The following FBXO21 variants were observed in gnomAD, a reference collection of about 807,000 sequenced individuals.
The protein encoded by FBXO21 is F-box protein 21.
Under a neutral mutation model 76.6 loss-of-function variants are expected in FBXO21, and 32 were observed. The observed-to-expected ratio is 0.42, with a 90% CI of 0.32 to 0.56. The LOEUF (loss-of-function observed/expected upper bound fraction) is 0.56. Among genes scored for constraint, FBXO21 ranks in the 20% least tolerant of loss-of-function variants. The pLI is 0.16. For synonymous variants in FBXO21, 328 were observed against 311.5 expected, an observed-to-expected ratio of 1.05 and a Z score of -0.56; for missense variants, 586 against 797.3, an observed-to-expected ratio of 0.73 and a Z score of 3.19.
chr12:117,166,159 C>T (rs985551752), intron 8 of FBXO21, among the ~76,000 whole-genome samples: 2 of 147,118 alleles, frequency 1.4e-5, no homozygotes, highest in African/African-American at 5.1e-5. Context: ...CATTGCACTC[C>T]AGTCTGGGCA....
At chr12:117,182,881 CAGG>C (rs960577044) in intron 3 of FBXO21, among the ~76,000 whole-genome samples, 19 of 152,100 alleles carry the variant, frequency 1.2e-4, no homozygotes, top group African/African-American at 4.6e-4. Flanking sequence ...CTCTTGAGGC[CAGG>C]AGTTTAGTAA....
chr12:117,175,298 C>CCAA (rs1956162053), intron 4 of FBXO21, among the ~76,000 whole-genome samples: 1 of 152,226 alleles, frequency 6.6e-6, no homozygotes, highest in Non-Finnish European at 1.5e-5. Context: ...TAAATGGATT[C>CCAA]TGGAGCTAAC....
rs1955762576 is a variant in FBXO21, at chr12:117,145,780, G to A, written c.*307C>T. Reference sequence around the variant, plus strand: ...GTGAATACAAAGAATGATTACAGGAGCGTCGACTGTGAGACCTCATGAAGA... The same window carrying A: ...GTGAATACAAAGAATGATTACAGGAACGTCGACTGTGAGACCTCATGAAGA... On this transcript the variant is annotated 3_prime_UTR_variant, in exon 12 of 12. Transcript: ENST00000622495. The A allele has an allele frequency of 4.6e-6, 1 of 218,142 alleles. No homozygotes were observed. The allele number at this position is 218,142 out of a possible 1,614,324, so 13.5% of individuals were successfully genotyped here.
intron 3 of FBXO21, among the ~76,000 whole-genome samples, chr12:117,182,592 C>G (rs1388825763): frequency 1.4e-5 from 1 of 72,410 alleles, no homozygotes; most frequent in Non-Finnish European, 2.8e-5. Context: ...TTTTTTGGAC[C>G]GAGTCTGTCG....
chr12:117,181,161 G>C (rs1422177788), intron 3 of FBXO21, among the ~76,000 whole-genome samples: 1 of 151,782 alleles, frequency 6.6e-6, no homozygotes, highest in Admixed American at 6.6e-5. Flanking sequence ...AGTGGTTTTT[G>C]GTCATTTGAA....
In FBXO21 at chr12:117,144,212, T is replaced by A. The variant is rs550346570; in HGVS notation, c.*1875A>T. On this transcript the variant is annotated 3_prime_UTR_variant, in exon 12 of 12. Transcript: ENST00000622495. ...AAACCAACAATTGCAACTCTCAGCATGCTCAGGTTCTTATTAATGCATCTC... is the reference window on the plus strand; with the variant it reads ...AAACCAACAATTGCAACTCTCAGCAAGCTCAGGTTCTTATTAATGCATCTC... The A allele has an allele frequency of 3.3e-5, 5 of 152,368 alleles. No individual in the cohort carries two copies. In the East Asian group the frequency reaches 9.6e-4, roughly 29 times the overall value. 9.4% of individuals were successfully genotyped at this position (152,368 alleles called of 1,614,324 possible).
At position 117,142,642 on chromosome 12, in the gene FBXO21, A is replaced by G. The variant is rs1056318017; in HGVS notation, c.*3445T>C. On this transcript the variant is annotated 3_prime_UTR_variant, in exon 12 of 12. Transcript: ENST00000622495. ...CAATTGTCCCACATCCAAATTTTGC[A>G]TTTTGTCCAGTTGATGTCTCTCCTT... is the stretch of plus-strand genomic sequence containing the variant. 1 of 136,864 alleles carries G rather than the reference A, an allele frequency of 7.3e-6. No homozygotes were observed. Among genetic ancestry groups the G allele is most frequent in the African/African-American group, 2.8e-5 (1 of 35,444 alleles). The allele number at this position is 136,864 out of a possible 1,614,324, so 8.5% of individuals were successfully genotyped here. A position where few individuals can be genotyped will look rare whatever the true frequency, so the allele number is the denominator to read the frequency against.
intron 9 of FBXO21, among the ~76,000 whole-genome samples, chr12:117,163,410 G>GTT (rs2135861168): frequency 6.6e-6 from 1 of 152,172 alleles, no homozygotes; most frequent in Admixed American, 6.5e-5. Flanking sequence ...GCACGTGTCT[G>GTT]TAATCCCAGC....
chr12:117,154,163 C>G (rs767234186), intron 11 of FBXO21: 3 of 152,212 alleles, frequency 2.0e-5, no homozygotes, highest in Non-Finnish European at 4.4e-5. Flanking sequence ...ATGTCCAAAT[C>G]ATGTGTTGAT....
chr12:117,163,351 G>C (rs377525002), intron 9 of FBXO21, among the ~76,000 whole-genome samples: 3 of 151,710 alleles, frequency 2.0e-5, no homozygotes, highest in African/African-American at 7.3e-5. Flanking sequence ...TGGCCAACAG[G>C]GTGAAACCCC....
chr12:117,182,029 T>A (rs1956239527), intron 3 of FBXO21, among the ~76,000 whole-genome samples: 1 of 152,118 alleles, frequency 6.6e-6, no homozygotes, highest in South Asian at 2.1e-4. Flanking sequence ...TAGCACATCA[T>A]AAACACAAAC....
intron 9 of FBXO21, among the ~76,000 whole-genome samples, chr12:117,164,363 G>A (rs1004222586): frequency 2.7e-5 from 4 of 147,172 alleles, no homozygotes; most frequent in East Asian, 2.1e-4. Flanking sequence ...TGCAACCTCC[G>A]CCTCCTGGGT....
intron 3 of FBXO21, among the ~76,000 whole-genome samples, chr12:117,184,693 C>T (rs1956265970): frequency 6.6e-6 from 1 of 152,098 alleles, no homozygotes; most frequent in South Asian, 2.1e-4. Flanking sequence ...GCAGAGGTTG[C>T]CAAGATCACG....
At chr12:117,160,714 T>C (rs1592876470) in intron 9 of FBXO21, among the ~76,000 whole-genome samples, 1 of 152,206 alleles carries the variant, frequency 6.6e-6, no homozygotes, top group African/African-American at 2.4e-5. Context: ...GCCTTGGCGT[T>C]GACCTCCCAG....
intron 10 of FBXO21, among the ~76,000 whole-genome samples, chr12:117,157,667 G>A (rs778372826): frequency 1.3e-5 from 2 of 152,086 alleles, no homozygotes; most frequent in Non-Finnish European, 2.9e-5. Flanking sequence ...GTAAGCTGCT[G>A]CTTAAAAAAC....
At chr12:117,186,697 C>A in intron 2 of FBXO21, 126 bp from the exon 3 acceptor site, 1 of 595,242 alleles carries the variant, frequency 1.7e-6, no homozygotes, top group Middle Eastern at 3.7e-4. Context: ...TTCTACACTA[C>A]CTTGCACTAC....
intron 11 of FBXO21, among the ~76,000 whole-genome samples, chr12:117,147,846 A>G (rs1955794935): frequency 6.6e-6 from 1 of 152,206 alleles, no homozygotes; most frequent in Non-Finnish European, 1.5e-5. Flanking sequence ...AGATCCTCCT[A>G]TTGTGACTGT....
rs377288420 is a variant in FBXO21, at chr12:117,155,782, G to A, written c.1675+9C>T. 3 of 1,610,180 alleles carry A rather than the reference G, an allele frequency of 1.9e-6. No individual in the cohort carries two copies. Among genetic ancestry groups the A allele is most frequent in the South Asian group, 2.2e-5 (2 of 90,566 alleles). On this transcript the variant is annotated intron_variant, in intron 11 of 11. Transcript: ENST00000622495. ...GGGGCCACTGGCACAAGCGGAACCC[G>A]CCGCTTACCTTGGGCTGCGTATCGA...
At position 117,148,354 on chromosome 12, in the gene FBXO21, C is replaced by T. The variant is rs76247577; in HGVS notation, c.1676-2077G>A. On this transcript the variant is annotated intron_variant, in intron 11 of 11. Transcript: ENST00000622495. ...CTTAACAGTACTTATGCTAGGAAAA[C>T]TGGAAGAGCAGTGTAAACGTCCAAG... Among the ~76,000 whole-genome samples the T allele has an allele frequency of 1.8e-3, 271 of 152,332 alleles. 2 individuals carry two copies. Among genetic ancestry groups the T allele is most frequent in the East Asian group, 0.013 (68 of 5,188 alleles).
Sources: allele counts gnomAD v4.1 joint callset (sites outside exome capture counted in the v4.1 genomes callset), GRCh38; gene constraint gnomAD v4.1.1; transcripts MANE v1.5; gene names NCBI Gene and HGNC (gene_info 2026-07-23, HGNC 2026-07-21).